The following NFAT5 variants were observed in gnomAD, a reference collection of about 807,000 sequenced individuals.
NFAT5 encodes nuclear factor of activated T cells 5, also known as nuclear factor of activated T-cells 5.
Under a neutral mutation model 166.5 loss-of-function variants are expected in NFAT5, and 31 were observed. That is an observed-to-expected ratio of 0.19 (90% CI 0.14 to 0.25). NFAT5 has a LOEUF of 0.25. Among genes scored for constraint, NFAT5 ranks in the 10% least tolerant of loss-of-function variants. The pLI is 1.00. For missense variants in NFAT5, 1,449 were observed against 1,821.8 expected, an observed-to-expected ratio of 0.80 and a Z score of 3.72; for synonymous variants, 612 against 639.7, an observed-to-expected ratio of 0.96 and a Z score of 0.65.
At chr16:69,652,471 G>T (rs1178262627) in intron 4 of NFAT5, among the ~76,000 whole-genome samples, 2 of 146,216 alleles carry the variant, frequency 1.4e-5, no homozygotes, top group East Asian at 3.9e-4. Context: ...AAAAAAAAAA[G>T]GTAGAATGCT....
chr16:69,611,445 G>T (rs2033699081), intron 2 of NFAT5, among the ~76,000 whole-genome samples: 1 of 152,166 alleles, frequency 6.6e-6, no homozygotes, highest in Admixed American at 6.5e-5. Flanking sequence ...GAGGAAACTG[G>T]AGTCTCCTTT....
chr16:69,649,368 G>A (rs1331878286), intron 4 of NFAT5: 1 of 975,642 alleles, frequency 1.0e-6, no homozygotes, highest in Non-Finnish European at 1.2e-6. Context: ...CTTATGGCTA[G>A]TAAACAGTGA....
At chr16:69,596,756 A>AT (rs71385614) in intron 2 of NFAT5, among the ~76,000 whole-genome samples, 2 of 150,094 alleles carry the variant, frequency 1.3e-5, no homozygotes, top group East Asian at 1.9e-4. Flanking sequence ...ACTTCAATCC[A>AT]TTTTTTTTCT....
chr16:69,600,849 T>A (rs2033096433), intron 2 of NFAT5, among the ~76,000 whole-genome samples: 2 of 151,602 alleles, frequency 1.3e-5, no homozygotes, highest in African/African-American at 4.8e-5. Context: ...GATTTTTCTC[T>A]ATCAAAACTT....
rs187992028 is a variant in NFAT5, at chr16:69,580,729, C to T, written c.127+12181C>T. Among the ~76,000 whole-genome samples the T allele has an allele frequency of 1.1e-3, 172 of 152,228 alleles. No individual in the cohort carries two copies. The Middle Eastern group carries it at 0.017, about 15-fold the overall frequency. On this transcript the variant is annotated intron_variant, in intron 2 of 14. Transcript: ENST00000349945. ...GGTGTGCAGTGGCATGATCTCGGCT[C>T]GCTGCAAGCTCTGCCTCCCAGGTTC...
At chr16:69,644,985 A>G (rs2035376498) in intron 3 of NFAT5, 1 of 279,824 alleles carries the variant, frequency 3.6e-6, no homozygotes, top group South Asian at 3.4e-5. Flanking sequence ...AATGAAGAAC[A>G]TAGGCTCATA....
At chr16:69,653,133 A>G (rs1410441942) in intron 4 of NFAT5, 103 bp from the exon 5 acceptor site, 1 of 689,758 alleles carries the variant, frequency 1.4e-6, no homozygotes, top group African/African-American at 1.9e-5. Flanking sequence ...AGTTGTTTTT[A>G]CTATTATTGC....
chr16:69,641,905 C>T (rs942868836), intron 3 of NFAT5, among the ~76,000 whole-genome samples: 11 of 151,880 alleles, frequency 7.2e-5, no homozygotes, highest in Admixed American at 5.9e-4. Context: ...CAAAACCAGC[C>T]TGGGCAACAT....
intron 13 of NFAT5, among the ~76,000 whole-genome samples, chr16:69,694,534 C>T (rs1351446091): frequency 5.3e-5 from 8 of 152,172 alleles, no homozygotes; most frequent in Admixed American, 2.0e-4. Context: ...GGATTACAGG[C>T]GTGAGCCACC....
At chr16:69,571,921 G>T (rs148711830) in intron 2 of NFAT5, among the ~76,000 whole-genome samples, 6,535 of 151,966 alleles carry the variant, frequency 0.043, 479 homozygotes, top group African/African-American at 0.15. Flanking sequence ...CACCACGCCC[G>T]GCTAATTTTT....
rs1348682590 is a variant in NFAT5 at position 69,693,929 on chromosome 16, C to G, written c.4104C>G (p.Pro1368=). ...CCCAGTCGGAATCATCACAGACCCCCTTGTTCCATAGCTCTCCTCAGATTC... is the reference window on the plus strand; with the variant it reads ...CCCAGTCGGAATCATCACAGACCCCGTTGTTCCATAGCTCTCCTCAGATTC... ...GPTQSESSQT[P]LFHSSPQIQL... Residue 1368 remains proline (P), a synonymous_variant, in exon 13 of 15, where the codon CCC becomes CCG. Transcript: ENST00000349945. 1.2e-6 allele frequency: 2 copies of G among 1,614,110 alleles called. No individual in the cohort carries two copies. The highest frequency in any genetic ancestry group is 2.2e-5 in the East Asian group (1 of 44,896).
At chr16:69,599,708 G>A (rs55886043) in intron 2 of NFAT5, among the ~76,000 whole-genome samples, 153 of 152,280 alleles carry the variant, frequency 1.0e-3, no homozygotes, top group Admixed American at 3.2e-3. Context: ...TAAAGGAATC[G>A]AAGGAGTAAG....
chr16:69,673,180 A>G (rs1274055711), intron 9 of NFAT5, among the ~76,000 whole-genome samples: 1 of 152,208 alleles, frequency 6.6e-6, no homozygotes, highest in Non-Finnish European at 1.5e-5. Context: ...TTTGGTGACT[A>G]TATCTAGAGG....
intron 2 of NFAT5, among the ~76,000 whole-genome samples, chr16:69,585,202 G>T (rs1024152228): frequency 1.3e-5 from 2 of 151,868 alleles, no homozygotes; most frequent in South Asian, 2.1e-4. Context: ...GTAGAGATGG[G>T]GTTTCACCAT....
At chr16:69,656,849 T>G (rs1415745565) in intron 6 of NFAT5, among the ~76,000 whole-genome samples, 1 of 152,246 alleles carries the variant, frequency 6.6e-6, no homozygotes, top group African/African-American at 2.4e-5. Context: ...TATTTTCCTC[T>G]GTTTAAAAAA....
rs1220957891 is a variant in NFAT5, at chr16:69,695,236, G to A, written c.4515G>A (p.Val1505=). 1 of 1,614,012 alleles carries A rather than the reference G, an allele frequency of 6.2e-7. No individual in the cohort carries two copies. Among genetic ancestry groups the A allele is most frequent in the African/African-American group, 1.3e-5 (1 of 74,904 alleles). The stretch of plus-strand genomic sequence containing the variant: ...CACAAAACGAGGGCCAGCCACCTGT[G>A]ACAACACTTCTTTCTCAGCAAATGC... The part of the protein sequence containing the change: ...GQPQNEGQPP[V]TTLLSQQMPE... The change falls in exon 14 of 15, where the codon GTG becomes GTA. Residue 1505 remains valine (V), a synonymous_variant. Transcript: ENST00000349945.
At chr16:69,593,863 A>AT (rs1050990019) in intron 2 of NFAT5, among the ~76,000 whole-genome samples, 2 of 152,118 alleles carry the variant, frequency 1.3e-5, no homozygotes, top group African/African-American at 2.4e-5. Flanking sequence ...TATTAGAGCC[A>AT]TTTTTTTCCA....
At chr16:69,592,759 C>T (rs922359441) in intron 2 of NFAT5, among the ~76,000 whole-genome samples, 12 of 152,060 alleles carry the variant, frequency 7.9e-5, no homozygotes, top group Admixed American at 4.6e-4. Flanking sequence ...TATATTGGTA[C>T]TTGTTTAGTG....
intron 2 of NFAT5, among the ~76,000 whole-genome samples, chr16:69,577,675 A>G (rs1364407574): frequency 6.6e-6 from 1 of 152,184 alleles, no homozygotes; most frequent in Non-Finnish European, 1.5e-5. Flanking sequence ...AAGTAGCTTT[A>G]CGGAATGATT....
Sources: allele counts gnomAD v4.1 joint callset (sites outside exome capture counted in the v4.1 genomes callset), GRCh38; gene constraint gnomAD v4.1.1; transcripts MANE v1.5; gene names NCBI Gene and HGNC (gene_info 2026-07-23, HGNC 2026-07-21).